GDA: variants seen among roughly 807,000 people sequenced by gnomAD.
The protein encoded by GDA is cytoplasmic PSD-95 interactor.
A neutral mutation model predicts 59.6 loss-of-function variants in GDA; 18 were observed. That is an observed-to-expected ratio of 0.30 (90% CI 0.21 to 0.45). The LOEUF (loss-of-function observed/expected upper bound fraction) is 0.45, where lower values mean the gene tolerates loss of function less well. GDA is among the 20% of genes least tolerant of loss of function. GDA has a pLI of 1.00. For synonymous variants in GDA, 201 were observed against 201.1 expected (o/e 1.00, Z 0.00); for missense variants, 427 against 552.3 (o/e 0.77, Z 2.27).
At chr9:72,180,803 T>C (rs1344017804) in intron 1 of GDA, among the ~76,000 whole-genome samples, 1 of 152,220 alleles carries the variant, frequency 6.6e-6, no homozygotes, top group Non-Finnish European at 1.5e-5. Flanking sequence ...ACAATTTGCA[T>C]CCCAAAGTGA....
intron 10 of GDA, among the ~76,000 whole-genome samples, chr9:72,236,791 T>C (rs1168763272): frequency 1.3e-5 from 2 of 150,288 alleles, no homozygotes; most frequent in East Asian, 1.9e-4. Flanking sequence ...TTTTTTTTTT[T>C]TTTTTTGAGA....
chr9:72,223,030 C>T (rs547030553), intron 6 of GDA, 90 bp from the exon 7 acceptor site: 44 of 711,434 alleles, frequency 6.2e-5, no homozygotes, highest in Middle Eastern at 5.0e-4. Flanking sequence ...TTATAGTTTT[C>T]GGTTTTACAT....
At chr9:72,139,640 A>T (rs1826371420) in intron 1 of GDA, among the ~76,000 whole-genome samples, 1 of 151,240 alleles carries the variant, frequency 6.6e-6, no homozygotes. Context: ...CATGCAGTAT[A>T]GGGAGACCCT....
Position 72,210,772 on chromosome 9 carries a change from C to A in GDA, c.470C>A (p.Thr157Lys). The A allele has an allele frequency of 6.3e-7, 1 of 1,594,418 alleles. No individual in the cohort carries two copies. Among genetic ancestry groups the A allele is most frequent in the Non-Finnish European group, 8.6e-7 (1 of 1,162,172 alleles). Residue 157 changes from threonine to lysine, a missense_variant and splice_region_variant, in exon 4 of 14, where the codon ACA (threonine) becomes AAA (lysine). Coordinates refer to ENST00000358399, the MANE Select transcript of GDA (RefSeq NM_004293.5). ...TCATCTCTGCTCCTTGCCGACATTA[C>A]AGGTGAGCAAATGAAGCATGATTTA... ...TDSSLLLADI[T>K]DKFGQRAFVG...
At chr9:72,221,511 G>T (rs1176263901) in intron 6 of GDA, among the ~76,000 whole-genome samples, 2 of 152,304 alleles carry the variant, frequency 1.3e-5, no homozygotes, top group Admixed American at 6.5e-5. Context: ...TGTATGATAT[G>T]CATTTTGGGG....
intron 1 of GDA, among the ~76,000 whole-genome samples, chr9:72,152,351 G>A (rs981024089): frequency 1.6e-4 from 25 of 152,268 alleles, no homozygotes; most frequent in African/African-American, 5.3e-4. Context: ...TTAAATTAAA[G>A]CTCATTCAAA....
intron 1 of GDA, among the ~76,000 whole-genome samples, chr9:72,138,041 A>G (rs373952208): frequency 5.8e-4 from 89 of 152,222 alleles, no homozygotes; most frequent in African/African-American, 2.0e-3. Context: ...TTGTGCTTAT[A>G]TGGGAGGGAG....
In GDA at chr9:72,149,612, T is replaced by C; in HGVS notation, c.53T>C (p.Val18Ala). ...PLAHIFRGTF[V>A]HSTWTCPMEV... Reference sequence around the variant, plus strand: ...GCGCACATCTTCCGAGGGACGTTCGTCCACTCCACCTGGACCTGCCCCATG... The same window carrying C: ...GCGCACATCTTCCGAGGGACGTTCGCCCACTCCACCTGGACCTGCCCCATG... The change falls in exon 1 of 14, where the codon GTC (valine) becomes GCC (alanine). Residue 18 changes from valine (V) to alanine (A), a missense_variant. Coordinates refer to ENST00000358399, the MANE Select transcript of GDA (RefSeq NM_004293.5). The C allele has an allele frequency of 6.2e-7, 1 of 1,611,622 alleles. No individual in the cohort carries two copies. Among genetic ancestry groups the C allele is most frequent in the Non-Finnish European group, 8.5e-7 (1 of 1,179,132 alleles).
At chr9:72,200,003 T>G (rs892855797) in intron 2 of GDA, among the ~76,000 whole-genome samples, 1 of 147,372 alleles carries the variant, frequency 6.8e-6, no homozygotes, top group Middle Eastern at 3.4e-3. Flanking sequence ...TCTTTTTTTT[T>G]TTTTTTTTTT....
chr9:72,132,314 T>C (rs929793602), intron 1 of GDA, among the ~76,000 whole-genome samples: 1 of 152,068 alleles, frequency 6.6e-6, no homozygotes, highest in South Asian at 2.1e-4. Flanking sequence ...AAAGTTTGAA[T>C]ACAAAAGAAT....
chr9:72,149,375 A>C, upstream of GDA: 2 of 577,450 alleles, frequency 3.5e-6, no homozygotes, highest in Admixed American at 3.5e-5. Flanking sequence ...GGCATTGAGG[A>C]GGTAGGGAGC....
At chr9:72,122,634 T>TATACACAC (rs1825701715) in intron 1 of GDA, among the ~76,000 whole-genome samples, 1 of 147,392 alleles carries the variant, frequency 6.8e-6, no homozygotes, top group African/African-American at 2.5e-5. Context: ...TGTATACATT[T>TATACACAC]ACACACACAC....
intron 1 of GDA, among the ~76,000 whole-genome samples, chr9:72,160,161 T>A: frequency 6.6e-6 from 1 of 151,640 alleles, no homozygotes; most frequent in Non-Finnish European, 1.5e-5. Flanking sequence ...TGAAAAAAAA[T>A]TAGCTGGGCA....
chr9:72,169,356 G>T (rs1051565147), intron 1 of GDA, among the ~76,000 whole-genome samples: 1 of 152,176 alleles, frequency 6.6e-6, no homozygotes, highest in Admixed American at 6.5e-5. Context: ...CTCACAATGT[G>T]CTGATCATGT....
At chr9:72,116,824 G>A (rs1825468305) in intron 1 of GDA, among the ~76,000 whole-genome samples, 1 of 151,430 alleles carries the variant, frequency 6.6e-6, no homozygotes, top group African/African-American at 2.4e-5. Context: ...TGTGCACAAC[G>A]TGCAGGTTTG....
chr9:72,231,078 T>A, intron 9 of GDA, 36 bp from the exon 10 acceptor site: 1 of 1,203,184 alleles, frequency 8.3e-7, no homozygotes, highest in East Asian at 2.3e-5. Context: ...TGGAACCACA[T>A]GGATCTCCTT....
chr9:72,192,738 G>A (rs1298611666), intron 1 of GDA, among the ~76,000 whole-genome samples: 1 of 151,512 alleles, frequency 6.6e-6, no homozygotes, highest in Non-Finnish European at 1.5e-5. Context: ...AAATTAGCTG[G>A]GTGTGGTGGT....
In GDA at chr9:72,149,890, G is replaced by A. The variant is rs558654667; in HGVS notation, c.123+208G>A. Among the ~76,000 whole-genome samples the A allele has an allele frequency of 9.7e-4, 147 of 152,310 alleles. 2 individuals carry two copies. The highest frequency in any genetic ancestry group is 1.2e-3 in the Non-Finnish European group (83 of 68,024). On this transcript the variant is annotated intron_variant, in intron 1 of 13. Coordinates refer to ENST00000358399, the MANE Select transcript of GDA (RefSeq NM_004293.5). ...CTGGCTGGGGAGTTCCCAGAAGTCG[G>A]GAGCAGTGGCGTGCTAACGCCACAA...
In GDA at chr9:72,231,187, T is replaced by G; in HGVS notation, c.988+6T>G. 6.7e-7 allele frequency: 1 copy of G among 1,490,738 alleles called. No individual in the cohort carries two copies. 92.3% of individuals were successfully genotyped at this position (1,490,738 alleles called of 1,614,324 possible). A position where few individuals can be genotyped will look rare whatever the true frequency, so the allele number is the denominator to read the frequency against. ...CAAGATAGGGCTGGGTACAGGTTAGTAGTTCACCATTTGGAGCTATGGCAA... is the reference window on the plus strand; with the variant it reads ...CAAGATAGGGCTGGGTACAGGTTAGGAGTTCACCATTTGGAGCTATGGCAA... On this transcript the variant is annotated splice_donor_region_variant and intron_variant, in intron 10 of 13. Transcript: ENST00000358399.
Sources: allele counts gnomAD v4.1 joint callset (sites outside exome capture counted in the v4.1 genomes callset), GRCh38; gene constraint gnomAD v4.1.1; transcripts MANE v1.5; gene names NCBI Gene and HGNC (gene_info 2026-07-23, HGNC 2026-07-21).